The following DCBLD2 variants were observed in gnomAD, a reference collection of about 807,000 sequenced individuals.
DCBLD2 encodes discoidin, CUB and LCCL domain containing 2.
In DCBLD2, 54 loss-of-function variants were observed where a neutral mutation model predicts 86.8. That is an observed-to-expected ratio of 0.62 (90% CI 0.50 to 0.78). The LOEUF (loss-of-function observed/expected upper bound fraction) is 0.78. Ranked by LOEUF, DCBLD2 falls within the 30% of genes least tolerant of loss-of-function variation. The pLI is 0.00. For synonymous variants in DCBLD2, 354 were observed against 341.3 expected (o/e 1.04, Z -0.41); for missense variants, 908 against 954.2 (o/e 0.95, Z 0.64).
chr3:98,847,392 A>G (rs141138283), intron 3 of DCBLD2, among the ~76,000 whole-genome samples: 251 of 152,284 alleles, frequency 1.6e-3, no homozygotes, highest in Admixed American at 6.5e-3. Context: ...CGAAAATATT[A>G]ATTGTTCATT....
chr3:98,831,069 A>G (rs1229458984), intron 3 of DCBLD2, among the ~76,000 whole-genome samples: 1 of 142,234 alleles, frequency 7.0e-6, no homozygotes, highest in Non-Finnish European at 1.5e-5. Flanking sequence ...AATGCTAGTA[A>G]TTTTTTTTTT....
chr3:98,870,715 AAAAAGG>A (rs750574006), intron 2 of DCBLD2, among the ~76,000 whole-genome samples: 5 of 145,030 alleles, frequency 3.4e-5, no homozygotes, highest in African/African-American at 1.3e-4. Flanking sequence ...AAAAAGAAAG[AAAAAGG>A]AAAAGAAAAG....
chr3:98,808,063 A>G lies in DCBLD2; in HGVS notation c.1670+18T>C. 6.5e-7 allele frequency: 1 copy of G among 1,528,386 alleles called. No individual in the cohort carries two copies. Among genetic ancestry groups the G allele is most frequent in the Non-Finnish European group, 8.8e-7 (1 of 1,140,516 alleles). The allele number at this position is 1,528,386 out of a possible 1,614,324, so 94.7% of individuals were successfully genotyped here. The stretch of plus-strand genomic sequence containing the variant: ...CATTTGGTAGTTTTGGACTCAGGTG[A>G]ACTAGTTATGTACTAACCTGTTTCT... On this transcript the variant is annotated intron_variant, in intron 13 of 15. Coordinates refer to ENST00000326840, the MANE Select transcript of DCBLD2 (RefSeq NM_080927.4).
At chr3:98,875,864 G>A (rs527997769) in intron 2 of DCBLD2, among the ~76,000 whole-genome samples, 1 of 152,120 alleles carries the variant, frequency 6.6e-6, no homozygotes, top group Non-Finnish European at 1.5e-5. Context: ...AAAACACAAT[G>A]AGATCTATAC....
chr3:98,815,881 G>T (rs1371191140), intron 9 of DCBLD2: 3 of 150,988 alleles, frequency 2.0e-5, no homozygotes, highest in East Asian at 1.9e-4. Context: ...AAAAAATAAA[G>T]AACGGAGCAT....
chr3:98,809,428 G>C (rs955448825), intron 12 of DCBLD2, among the ~76,000 whole-genome samples: 1 of 152,074 alleles, frequency 6.6e-6, no homozygotes, highest in African/African-American at 2.4e-5. Context: ...TTGGGTCCCT[G>C]AGAGGTAGAT....
At chr3:98,827,297 T>C (rs1206437137) in intron 3 of DCBLD2, among the ~76,000 whole-genome samples, 2 of 152,218 alleles carry the variant, frequency 1.3e-5, no homozygotes, top group East Asian at 3.8e-4. Context: ...TTCCACTTTC[T>C]GCTCCACCAA....
intron 1 of DCBLD2, among the ~76,000 whole-genome samples, chr3:98,886,791 T>G (rs1943569825): frequency 7.0e-6 from 1 of 141,976 alleles, no homozygotes; most frequent in Admixed American, 7.5e-5. Flanking sequence ...TTGATATTAT[T>G]ACAGGAAAAC....
At chr3:98,886,009 C>T (rs191851043) in intron 1 of DCBLD2, among the ~76,000 whole-genome samples, 303 of 151,880 alleles carry the variant, frequency 2.0e-3, no homozygotes, top group African/African-American at 6.9e-3. Context: ...AGGTTAAGTG[C>T]TGACTTAGAG....
chr3:98,808,221 C>T (rs1279702214), intron 12 of DCBLD2, 47 bp from the exon 13 acceptor site: 2 of 1,486,172 alleles, frequency 1.3e-6, no homozygotes, highest in Non-Finnish European at 9.0e-7. Flanking sequence ...CATATTAACA[C>T]CAAAGGCAGA....
At chr3:98,829,271 G>A (rs1233838435) in intron 3 of DCBLD2, among the ~76,000 whole-genome samples, 2 of 152,118 alleles carry the variant, frequency 1.3e-5, no homozygotes, top group Non-Finnish European at 2.9e-5. Context: ...AGTGAACATA[G>A]TACCCAACAG....
At chr3:98,889,836 G>T (rs1309405946) in intron 1 of DCBLD2, among the ~76,000 whole-genome samples, 4 of 151,688 alleles carry the variant, frequency 2.6e-5, no homozygotes, top group Non-Finnish European at 5.9e-5. Context: ...TGCCTTTTTT[G>T]CAAATTATAA....
intron 3 of DCBLD2, among the ~76,000 whole-genome samples, chr3:98,836,371 C>T (rs972040967): frequency 6.8e-6 from 1 of 147,812 alleles, no homozygotes; most frequent in Non-Finnish European, 1.5e-5. Context: ...TAACATGGAA[C>T]GTTAGTTCCA....
At chr3:98,838,034 C>G (rs2107469118) in intron 3 of DCBLD2, among the ~76,000 whole-genome samples, 1 of 119,872 alleles carries the variant, frequency 8.3e-6, no homozygotes, top group Admixed American at 7.7e-5. Context: ...GGGCGGCTGG[C>G]CGGGCGGGGG....
At chr3:98,816,754 G>A (rs564842785) in intron 9 of DCBLD2, among the ~76,000 whole-genome samples, 44 of 152,242 alleles carry the variant, frequency 2.9e-4, no homozygotes, top group South Asian at 1.5e-3. Flanking sequence ...TCATAGGAAA[G>A]TTTGAAAAAA....
chr3:98,799,456 C>T lies in DCBLD2; in HGVS notation c.2244G>A (p.Leu748=), dbSNP rs762214839. 6.2e-7 allele frequency: 1 copy of T among 1,613,954 alleles called. No homozygotes were observed. Among genetic ancestry groups the T allele is most frequent in the Admixed American group, 1.7e-5 (1 of 60,010 alleles). ...GKPGLPAPDE[L]VYQVPQSTQE... ...GTGTGCTCTGTGGCACCTGGTACAC[C>T]AATTCGTCTGGGGCAGGTAGACCTG... Residue 748 remains leucine, a synonymous_variant, in exon 16 of 16, where the codon TTG becomes TTA. Coordinates refer to ENST00000326840, the MANE Select transcript of DCBLD2 (RefSeq NM_080927.4).
intron 2 of DCBLD2, among the ~76,000 whole-genome samples, chr3:98,875,218 T>C (rs1219545377): frequency 6.6e-6 from 1 of 150,884 alleles, no homozygotes; most frequent in Non-Finnish European, 1.5e-5. Flanking sequence ...CTCAGTAAAA[T>C]AGCAGAAAAA....
intron 2 of DCBLD2, among the ~76,000 whole-genome samples, chr3:98,875,848 A>G (rs1212594329): frequency 6.6e-6 from 1 of 152,196 alleles, no homozygotes; most frequent in African/African-American, 2.4e-5. Flanking sequence ...GTGGTTAGTC[A>G]TATGGAAAAC....
chr3:98,896,885 C>T (rs35219252), intron 1 of DCBLD2, among the ~76,000 whole-genome samples: 9,294 of 152,160 alleles, frequency 0.061, 348 homozygotes, highest in Non-Finnish European at 0.071. Context: ...ATTCCATATC[C>T]TTCCAAATAT....
Sources: gnomAD v4.1 joint callset for allele counts (sites outside exome capture counted in the v4.1 genomes callset) on GRCh38, gnomAD v4.1.1 for gene constraint, MANE v1.5 for transcripts, NCBI Gene and HGNC (gene_info 2026-07-23, HGNC 2026-07-21) for gene names.